The following NGF variants were observed in gnomAD, a reference collection of about 807,000 sequenced individuals.
The protein encoded by NGF is nerve growth factor.
A neutral mutation model predicts 12.8 loss-of-function variants in NGF; 4 were observed. The ratio of observed to expected loss-of-function variants is 0.31; its 90% CI spans 0.15 to 0.72. The LOEUF is 0.72. NGF is among the 30% of genes least tolerant of loss of function. The probability of loss-of-function intolerance (pLI) is 0.69; values close to 1 mark genes in which losing one functional copy is unlikely to be tolerated. For synonymous variants in NGF, 140 were observed against 130.0 expected (o/e 1.08, Z -0.52); for missense variants, 283 against 330.8 (o/e 0.86, Z 1.12).
intron 1 of NGF, among the ~76,000 whole-genome samples, 169 bp downstream of exon 1, chr1:115,338,035 C>G (rs1655186228): frequency 6.6e-6 from 1 of 152,308 alleles, no homozygotes; most frequent in Non-Finnish European, 1.5e-5. Flanking sequence ...CGCCCCCACA[C>G]CCACTCGGGA....
At chr1:115,332,375 A>G (rs1026955938) in intron 1 of NGF, among the ~76,000 whole-genome samples, 2 of 152,240 alleles carry the variant, frequency 1.3e-5, no homozygotes, top group African/African-American at 4.8e-5. Context: ...AATGTTAACT[A>G]CAGAAGGTCA....
At chr1:115,336,208 A>C (rs1052326369) in intron 1 of NGF, among the ~76,000 whole-genome samples, 1 of 151,538 alleles carries the variant, frequency 6.6e-6, no homozygotes, top group African/African-American at 2.4e-5. Flanking sequence ...GAGTGGGCCC[A>C]GTTCATTTCT....
chr1:115,328,008 C>T (rs142754308), intron 1 of NGF, among the ~76,000 whole-genome samples: 1 of 152,348 alleles, frequency 6.6e-6, no homozygotes, highest in East Asian at 1.9e-4. Context: ...TTCTGTCCCA[C>T]TACCTTGCAA....
chr1:115,299,431 T>A (rs1653966865), intron 1 of NGF, among the ~76,000 whole-genome samples: 2 of 152,058 alleles, frequency 1.3e-5, no homozygotes, highest in African/African-American at 4.8e-5. Flanking sequence ...TGAATGAGAG[T>A]GGCCTTCTAT....
chr1:115,319,609 CA>C (rs1654562311), intron 1 of NGF, among the ~76,000 whole-genome samples: 1 of 152,186 alleles, frequency 6.6e-6, no homozygotes, highest in Non-Finnish European at 1.5e-5. Flanking sequence ...AGGGTGGTAG[CA>C]TCAGTTGTTT....
intron 1 of NGF, among the ~76,000 whole-genome samples, chr1:115,308,653 T>C (rs1489859984): frequency 1.3e-5 from 2 of 152,010 alleles, no homozygotes; most frequent in Non-Finnish European, 2.9e-5. Context: ...ATAAGAGGAT[T>C]AAACTTGTGT....
At chr1:115,295,114 C>T (rs564728961) in intron 1 of NGF, among the ~76,000 whole-genome samples, 1 of 152,238 alleles carries the variant, frequency 6.6e-6, no homozygotes, top group Non-Finnish European at 1.5e-5. Context: ...TATCTTCATC[C>T]AACTCCCTCT....
intron 1 of NGF, among the ~76,000 whole-genome samples, chr1:115,294,489 T>C (rs1328884201): frequency 2.6e-5 from 4 of 152,242 alleles, no homozygotes; most frequent in African/African-American, 9.6e-5. Flanking sequence ...GCACTGTTTT[T>C]GGTGCTGAGC....
rs1394210230 is a variant in NGF at position 115,286,310 on chromosome 1, C to T, written c.486G>A (p.Glu162=). The T allele has an allele frequency of 6.8e-6, 11 of 1,614,064 alleles. No individual in the cohort carries two copies. The highest frequency in any genetic ancestry group is 5.9e-6 in the Non-Finnish European group (7 of 1,180,032). The change falls in exon 3 of 3, where the codon GAG becomes GAA. Residue 162 remains glutamate, a synonymous_variant. Coordinates refer to ENST00000369512, the MANE Select transcript of NGF (RefSeq NM_002506.3). ...IKGKEVMVLG[E]VNINNSVFKQ... ...TGAATACACTGTTGTTAATGTTCAC[C>T]TCTCCCAACACCATCACCTCCTTGC...
chr1:115,333,727 C>CTTCT (rs1019217857), intron 1 of NGF, among the ~76,000 whole-genome samples: 13 of 98,636 alleles, frequency 1.3e-4, no homozygotes, highest in Admixed American at 3.5e-4. Context: ...TCTTTCTTTC[C>CTTCT]TTCTTTCTTT....
intron 1 of NGF, among the ~76,000 whole-genome samples, chr1:115,333,992 C>T (rs1007642314): frequency 3.3e-5 from 5 of 151,976 alleles, no homozygotes; most frequent in African/African-American, 7.3e-5. Flanking sequence ...TTCATTTTAA[C>T]CCTAGGTACT....
intron 1 of NGF, among the ~76,000 whole-genome samples, chr1:115,321,798 A>C (rs542011299): frequency 6.6e-6 from 1 of 152,294 alleles, no homozygotes; most frequent in African/African-American, 2.4e-5. Flanking sequence ...CAAAAGGCTA[A>C]AGTCTTCCTT....
chr1:115,337,905 G>A (rs1304989445), intron 1 of NGF, among the ~76,000 whole-genome samples: 1 of 152,160 alleles, frequency 6.6e-6, no homozygotes, highest in African/African-American at 2.4e-5. Context: ...TGGCATGGCC[G>A]TGGGCTTCTG....
chr1:115,303,044 A>G (rs1283049912), intron 1 of NGF, among the ~76,000 whole-genome samples: 2 of 152,154 alleles, frequency 1.3e-5, no homozygotes, highest in Non-Finnish European at 2.9e-5. Flanking sequence ...CAAACTTTGG[A>G]GGAATAAAAA....
chr1:115,293,302 C>T (rs1430505836), intron 2 of NGF, among the ~76,000 whole-genome samples: 3 of 152,144 alleles, frequency 2.0e-5, no homozygotes, highest in Admixed American at 6.5e-5. Flanking sequence ...AAGTTCCCTG[C>T]TCAGTCGGAC....
intron 1 of NGF, among the ~76,000 whole-genome samples, chr1:115,302,305 C>T (rs945808426): frequency 1.3e-5 from 2 of 152,160 alleles, no homozygotes; most frequent in Non-Finnish European, 2.9e-5. Flanking sequence ...GAATCTAAGA[C>T]CCTCGTTCCA....
At chr1:115,293,436 T>C (rs1653766060) in intron 2 of NGF, among the ~76,000 whole-genome samples, 191 bp downstream of exon 2, 1 of 152,226 alleles carries the variant, frequency 6.6e-6, no homozygotes, top group African/African-American at 2.4e-5. Flanking sequence ...CCAACCTGCA[T>C]GCACAAAAGA....
chr1:115,336,473 A>C (rs772505343), intron 1 of NGF, among the ~76,000 whole-genome samples: 1 of 152,088 alleles, frequency 6.6e-6, no homozygotes, highest in Non-Finnish European at 1.5e-5. Context: ...GTGTGAGTCA[A>C]TTCCAGCTAG....
intron 1 of NGF, among the ~76,000 whole-genome samples, chr1:115,334,159 G>A (rs750902395): frequency 6.6e-6 from 1 of 152,020 alleles, no homozygotes; most frequent in African/African-American, 2.4e-5. Context: ...GAAATGTCAC[G>A]TTATCAATTC....
Sources: gnomAD v4.1 joint callset for allele counts (sites outside exome capture counted in the v4.1 genomes callset) on GRCh38, gnomAD v4.1.1 for gene constraint, MANE v1.5 for transcripts, NCBI Gene and HGNC (gene_info 2026-07-23, HGNC 2026-07-21) for gene names.